MFSD1: variants seen among roughly 807,000 people sequenced by gnomAD.
MFSD1 encodes the protein major facilitator superfamily domain containing 1, also known as lysosomal dipeptide transporter MFSD1.
A neutral mutation model predicts 67.1 loss-of-function variants in MFSD1; 59 were observed. That is an observed-to-expected ratio of 0.88 (90% confidence interval 0.71 to 1.09). The LOEUF (loss-of-function observed/expected upper bound fraction) is 1.09. Among genes scored for constraint, MFSD1 ranks in the 50% least tolerant of loss-of-function variants. MFSD1 has a pLI of 0.00. For missense variants in MFSD1, 552 were observed against 566.1 expected, an observed-to-expected ratio of 0.97 and a Z score of 0.25; for synonymous variants, 213 against 200.3, an observed-to-expected ratio of 1.06 and a Z score of -0.54.
intron 7 of MFSD1, among the ~76,000 whole-genome samples, chr3:158,816,730 C>G (rs972044204): frequency 3.3e-5 from 5 of 151,294 alleles, no homozygotes; most frequent in Admixed American, 6.6e-5. Flanking sequence ...TTGCCCATGC[C>G]TATGTCCTGA....
chr3:158,822,235 AG>A, intron 11 of MFSD1, 95 bp downstream of exon 11: 3 of 1,232,922 alleles, frequency 2.4e-6, no homozygotes, highest in Admixed American at 3.8e-5. Flanking sequence ...TCAGATGACA[AG>A]GCCTATGATA....
chr3:158,802,103 C>T lies in MFSD1; in HGVS notation c.-50C>T, dbSNP rs1317673143. ...GTGTTCCACGGGCGCTGCTTCCTGC[C>T]TGGGTTTGGAGTTGTCACCACTTTC... On this transcript the variant is annotated 5_prime_UTR_variant, in exon 1 of 16. Transcript: ENST00000415822. The T allele has an allele frequency of 1.2e-6, 2 of 1,601,030 alleles. No individual in the cohort carries two copies. Among genetic ancestry groups the T allele is most frequent in the Non-Finnish European group, 8.5e-7 (1 of 1,175,886 alleles).
chr3:158,824,180 T>C lies in MFSD1; in HGVS notation c.1232T>C (p.Ile411Thr). The C allele has an allele frequency of 2.5e-6, 4 of 1,613,846 alleles. No homozygotes were observed. Among genetic ancestry groups the C allele is most frequent in the Non-Finnish European group, 3.4e-6 (4 of 1,179,858 alleles). ...LAIISIIAGM[I>T]LDSRGYLFLE... is the part of the protein sequence containing the mutation. Reference sequence around the variant, plus strand: ...ATCATTTCCATCATTGCTGGTATGATACTGGATTCTCGGGGGTATTTGTTT... The same window carrying C: ...ATCATTTCCATCATTGCTGGTATGACACTGGATTCTCGGGGGTATTTGTTT... The change falls in exon 13 of 16, where the codon ATA (isoleucine) becomes ACA (threonine). Residue 411 changes from isoleucine (I) to threonine (T), a missense_variant. Coordinates refer to ENST00000415822, the MANE Select transcript of MFSD1 (RefSeq NM_022736.4).
At chr3:158,810,454 A>G (rs1043109139) in intron 6 of MFSD1, among the ~76,000 whole-genome samples, 2 of 152,192 alleles carry the variant, frequency 1.3e-5, no homozygotes, top group Non-Finnish European at 2.9e-5. Context: ...AACTCAATAT[A>G]AAAATATTTT....
At chr3:158,820,162 G>A (rs1000658374) in intron 8 of MFSD1, 53 bp from the exon 9 acceptor site, 25 of 913,118 alleles carry the variant, frequency 2.7e-5, no homozygotes, top group Non-Finnish European at 3.9e-5. Flanking sequence ...ATAGATGAAA[G>A]CTCCTTAGGT....
intron 5 of MFSD1, 50 bp from the exon 6 acceptor site, chr3:158,809,129 A>G: frequency 2.2e-6 from 3 of 1,393,662 alleles, no homozygotes; most frequent in Non-Finnish European, 2.9e-6. Context: ...TAACTGTAGT[A>G]TTTCTTTAAA....
At chr3:158,806,703 A>G (rs576368278) in intron 3 of MFSD1, among the ~76,000 whole-genome samples, 5 of 152,308 alleles carry the variant, frequency 3.3e-5, no homozygotes, top group East Asian at 3.9e-4. Flanking sequence ...TACATTTTTA[A>G]GTAGTTTTGA....
At chr3:158,825,325 G>A (rs920474468) in intron 13 of MFSD1, 1 of 152,080 alleles carries the variant, frequency 6.6e-6, no homozygotes, top group East Asian at 1.9e-4. Flanking sequence ...TGCTTGGCTG[G>A]TTTTTAAATT....
rs1414828484 is a variant in MFSD1 at position 158,802,185 on chromosome 3, C to T, written c.33C>T (p.Leu11=). ...AGGAGGATGAGGAAGCGCGGGCGCT[C>T]CTGGCAGGCGGCCCTGACGAGGCCG... MEEEDEEARA[L]LAGGPDEADR... The change falls in exon 1 of 16, where the codon CTC becomes CTT. Residue 11 remains leucine (L), a synonymous_variant. Transcript: ENST00000415822. 19 of 1,611,930 alleles carry T rather than the reference C, an allele frequency of 1.2e-5. No individual in the cohort carries two copies. Among genetic ancestry groups the T allele is most frequent in the Admixed American group, 1.7e-5 (1 of 59,852 alleles).
intron 14 of MFSD1, 51 bp downstream of exon 14, chr3:158,826,113 T>TG (rs1349296933): frequency 6.7e-7 from 1 of 1,490,262 alleles, no homozygotes; most frequent in African/African-American, 1.4e-5. Flanking sequence ...GATCATCTTG[T>TG]GGGGTCTCTG....
intron 7 of MFSD1, 54 bp from the exon 8 acceptor site, chr3:158,819,595 C>G: frequency 2.0e-6 from 2 of 1,023,454 alleles, no homozygotes; most frequent in South Asian, 3.1e-5. Flanking sequence ...TAGGAACCTT[C>G]TGTTTGGTTC....
intron 13 of MFSD1, among the ~76,000 whole-genome samples, chr3:158,825,682 T>G (rs1576916808): frequency 6.6e-6 from 1 of 150,968 alleles, no homozygotes; most frequent in Admixed American, 6.6e-5. Flanking sequence ...CTGGCAGGAG[T>G]TTTTGGTAAG....
intron 7 of MFSD1, among the ~76,000 whole-genome samples, chr3:158,817,487 C>T (rs1017597606): frequency 2.0e-5 from 3 of 152,304 alleles, no homozygotes; most frequent in African/African-American, 7.2e-5. Context: ...CATGAGTGAA[C>T]TCCCATTCAC....
chr3:158,825,175 T>C (rs1396564472), intron 13 of MFSD1: 1 of 152,210 alleles, frequency 6.6e-6, no homozygotes, highest in Admixed American at 6.5e-5. Flanking sequence ...ATTACTTTTT[T>C]AGAGACAGGA....
At chr3:158,802,369 T>G in intron 1 of MFSD1, 54 bp downstream of exon 1, 1 of 1,601,676 alleles carries the variant, frequency 6.2e-7, no homozygotes, top group Admixed American at 1.7e-5. Context: ...CGACTTTCTC[T>G]TCGAGGTAGA....
At chr3:158,817,063 A>G (rs191966360) in intron 7 of MFSD1, among the ~76,000 whole-genome samples, 23 of 152,286 alleles carry the variant, frequency 1.5e-4, no homozygotes, top group African/African-American at 5.5e-4. Context: ...GCCTTGTAGT[A>G]TAGTTTGAAG....
At chr3:158,805,004 A>G (rs1047053695) in intron 2 of MFSD1, among the ~76,000 whole-genome samples, 2 of 152,186 alleles carry the variant, frequency 1.3e-5, no homozygotes, top group African/African-American at 4.8e-5. Flanking sequence ...ATAGGCTAAG[A>G]TTATCCTTGT....
At chr3:158,823,594 C>A in intron 12 of MFSD1, 69 bp downstream of exon 12, 1 of 1,157,190 alleles carries the variant, frequency 8.6e-7, no homozygotes, top group Non-Finnish European at 1.3e-6. Context: ...ATATAAAACT[C>A]CAGATCTGAA....
chr3:158,819,232 G>C (rs1215293649), intron 7 of MFSD1, among the ~76,000 whole-genome samples: 1 of 152,166 alleles, frequency 6.6e-6, no homozygotes, highest in Non-Finnish European at 1.5e-5. Context: ...GGAAAACATC[G>C]GAAGGAAGAG....
Sources: gnomAD v4.1 joint callset for allele counts (sites outside exome capture counted in the v4.1 genomes callset) on GRCh38, gnomAD v4.1.1 for gene constraint, MANE v1.5 for transcripts, NCBI Gene and HGNC (gene_info 2026-07-23, HGNC 2026-07-21) for gene names.